LAMC1: variants seen among roughly 807,000 people sequenced by gnomAD.
LAMC1 encodes the protein laminin subunit gamma 1, also known as laminin subunit gamma-1.
LAMC1 carries 38 observed loss-of-function variants against 173.6 expected under a neutral mutation model. The observed-to-expected ratio is 0.22, with a 90% confidence interval of 0.17 to 0.29. The LOEUF (loss-of-function observed/expected upper bound fraction) is 0.29, where lower values mean the gene tolerates loss of function less well. Ranked by LOEUF, LAMC1 falls within the 10% of genes least tolerant of loss-of-function variation. The pLI, the probability that LAMC1 is intolerant of heterozygous loss-of-function variation, is 1.00. For synonymous variants in LAMC1, 746 were observed against 749.1 expected, an observed-to-expected ratio of 1.00 and a Z score of 0.07; for missense variants, 1,824 against 2,051.8, an observed-to-expected ratio of 0.89 and a Z score of 2.14.
rs776237058 is a variant in LAMC1, at chr1:183,128,755, G to A, written c.3280+5G>A. On this transcript the variant is annotated splice_donor_5th_base_variant and intron_variant, in intron 18 of 27. Transcript: ENST00000258341. Reference sequence around the variant, plus strand: ...GTGAGGCCCAGGATGTCAAAGGTACGCATGATTGAACAGTGCATGACTTCT... The same window carrying A: ...GTGAGGCCCAGGATGTCAAAGGTACACATGATTGAACAGTGCATGACTTCT... 2 of 1,611,558 alleles carry A rather than the reference G, an allele frequency of 1.2e-6. No homozygotes were observed. The highest frequency in any genetic ancestry group is 2.2e-5 in the East Asian group (1 of 44,808).
intron 27 of LAMC1, chr1:183,140,786 C>T (rs1047930863): frequency 2.0e-5 from 4 of 204,548 alleles, no homozygotes; most frequent in Admixed American, 5.8e-5. Flanking sequence ...TGACTTTAGG[C>T]TGTGTTAATG....
At chr1:183,031,739 A>G (rs1277808838) in intron 1 of LAMC1, among the ~76,000 whole-genome samples, 1 of 152,106 alleles carries the variant, frequency 6.6e-6, no homozygotes, top group Non-Finnish European at 1.5e-5. Flanking sequence ...AATTTCTGAG[A>G]AGGTTTTTAA....
intron 1 of LAMC1, among the ~76,000 whole-genome samples, chr1:183,076,298 G>A (rs1655118466): frequency 6.6e-6 from 1 of 152,130 alleles, no homozygotes; most frequent in South Asian, 2.1e-4. Context: ...CATGCTTTCA[G>A]CTTCCTTTCG....
chr1:183,117,836 G>A lies in LAMC1; in HGVS notation c.1877+113G>A. ...TTTAAAGAAAAACTTCTGGGTTATT[G>A]TGGTGATTTTGTAAAAGGGAGCCTT... On this transcript the variant is annotated intron_variant, in intron 10 of 27. Coordinates refer to ENST00000258341, the MANE Select transcript of LAMC1 (RefSeq NM_002293.4). 3.0e-6 allele frequency: 3 copies of A among 1,004,592 alleles called. No homozygotes were observed. The East Asian group carries it at 7.3e-5, about 25-fold the overall frequency. 62.2% of individuals were successfully genotyped at this position (1,004,592 alleles called of 1,614,324 possible). A position where few individuals can be genotyped will look rare whatever the true frequency, so the allele number is the denominator to read the frequency against.
intron 1 of LAMC1, among the ~76,000 whole-genome samples, chr1:183,066,802 T>G (rs1440479503): frequency 2.0e-5 from 3 of 152,220 alleles, no homozygotes; most frequent in Non-Finnish European, 4.4e-5. Flanking sequence ...CTGGGGCCTT[T>G]CAGGGGGTTG....
intron 4 of LAMC1, among the ~76,000 whole-genome samples, chr1:183,111,606 G>A (rs992489879): frequency 1.1e-3 from 174 of 152,230 alleles, no homozygotes; most frequent in African/African-American, 4.0e-3. Flanking sequence ...AACAGATAGA[G>A]AAAGAAATCT....
At chr1:183,058,286 T>C (rs557925354) in intron 1 of LAMC1, among the ~76,000 whole-genome samples, 131 of 152,318 alleles carry the variant, frequency 8.6e-4, no homozygotes, top group African/African-American at 2.9e-3. Flanking sequence ...ATAAGGATAT[T>C]GAGGGTGACT....
At chr1:183,103,950 C>T (rs993362439) in intron 2 of LAMC1, among the ~76,000 whole-genome samples, 3 of 136,404 alleles carry the variant, frequency 2.2e-5, no homozygotes, top group Admixed American at 1.6e-4. Context: ...AAACATTTTC[C>T]TTCTGACCTT....
Position 183,127,464 on chromosome 1 carries a change from G to A in LAMC1, c.3123+60G>A. ...AGCAGACGTTGAGTGGCAACTTACT[G>A]TGCACTAATCTCTATAGAAAAAGTG... On this transcript the variant is annotated intron_variant, in intron 17 of 27. Coordinates refer to ENST00000258341, the MANE Select transcript of LAMC1 (RefSeq NM_002293.4). 4 of 1,473,464 alleles carry A rather than the reference G, an allele frequency of 2.7e-6. No homozygotes were observed. In the South Asian group the frequency reaches 3.5e-5, roughly 13 times the overall value. 91.3% of individuals were successfully genotyped at this position (1,473,464 alleles called of 1,614,324 possible).
rs1489171782 is a variant in LAMC1, at chr1:183,127,315, T to G, written c.3034T>G (p.Cys1012Gly). Residue 1012 changes from cysteine (C) to glycine (G), a missense_variant, in exon 17 of 28, where the codon TGT (cysteine) becomes GGT (glycine). Physicochemically the swap from Cys to Gly is radical, Grantham distance 159 (BLOSUM62 -3). Coordinates refer to ENST00000258341, the MANE Select transcript of LAMC1 (RefSeq NM_002293.4). Reference sequence around the variant, plus strand: ...CAGAGAAGGCTTTGTGGGAAATCGCTGTGACCAGTGTGAAGAAAACTATTT... The same window carrying G: ...CAGAGAAGGCTTTGTGGGAAATCGCGGTGACCAGTGTGAAGAAAACTATTT... ...ECREGFVGNRCDQCEENYFYN... is the reference protein window; with the variant it reads ...ECREGFVGNRGDQCEENYFYN... The G allele has an allele frequency of 1.2e-6, 2 of 1,614,196 alleles. No homozygotes were observed. The highest frequency in any genetic ancestry group is 1.7e-6 in the Non-Finnish European group (2 of 1,180,014).
chr1:183,076,205 A>G (rs1655116369), intron 1 of LAMC1, among the ~76,000 whole-genome samples: 1 of 152,180 alleles, frequency 6.6e-6, no homozygotes, highest in Non-Finnish European at 1.5e-5. Flanking sequence ...GTAAAGAAGG[A>G]TGGATATGAA....
chr1:183,095,504 A>T (rs1228546338), intron 1 of LAMC1, among the ~76,000 whole-genome samples: 1 of 152,216 alleles, frequency 6.6e-6, no homozygotes, highest in Non-Finnish European at 1.5e-5. Context: ...TATGTAGCTT[A>T]TATTTAATTG....
chr1:183,096,752 C>T (rs182450654), intron 1 of LAMC1: 23 of 152,288 alleles, frequency 1.5e-4, no homozygotes, highest in African/African-American at 5.5e-4. Context: ...TGTCCTCTTG[C>T]ACTGTTGGCA....
At chr1:183,032,330 T>G (rs930475267) in intron 1 of LAMC1, among the ~76,000 whole-genome samples, 1 of 152,248 alleles carries the variant, frequency 6.6e-6, no homozygotes, top group African/African-American at 2.4e-5. Context: ...CCTTATTTCT[T>G]TTGAACTTTA....
In LAMC1 at chr1:183,134,660, A is replaced by C; in HGVS notation, c.3850A>C (p.Asn1284His). The C allele has an allele frequency of 6.2e-7, 1 of 1,608,284 alleles. No individual in the cohort carries two copies. Among genetic ancestry groups the C allele is most frequent in the Non-Finnish European group, 8.5e-7 (1 of 1,178,148 alleles). The change falls in exon 23 of 28, where the codon AAT becomes CAT. Residue 1284 changes from asparagine to histidine, a missense_variant and splice_region_variant. Transcript: ENST00000258341. The stretch of plus-strand genomic sequence containing the variant: ...TAGTGATCTTACTTGCTTTTCACAG[A>C]ATGAAGCAAATAACATAAAGATGGA... Reference protein sequence around the residue: ...LSPLDSETLENEANNIKMEAE... With the variant: ...LSPLDSETLEHEANNIKMEAE...
chr1:183,108,290 C>CACTG lies in LAMC1; in HGVS notation c.741_744dup (p.Ile249Ter). On this transcript the variant is annotated frameshift_variant, in exon 3 of 28. Transcript: ENST00000258341. LOFTEE classifies it high-confidence loss of function. The stretch of plus-strand genomic sequence containing the variant: ...CTTCCTGACAGGAATGGGTAACTGC[C>CACTG]ACTGACATCAGAGTAACTCTTAATC... The CACTG allele has an allele frequency of 6.2e-7, 1 of 1,613,326 alleles. No homozygotes were observed. The highest frequency in any genetic ancestry group is 1.3e-5 in the African/African-American group (1 of 75,022).
At chr1:183,077,776 G>GTGTGTGTGTGTA in intron 1 of LAMC1, among the ~76,000 whole-genome samples, 22 of 116,498 alleles carry the variant, frequency 1.9e-4, no homozygotes, top group Non-Finnish European at 2.8e-4. Context: ...TGGCCATTGT[G>GTGTGTGTGTGTA]TATATATATA....
rs769003582 is a variant in LAMC1 at position 183,114,671 on chromosome 1, C to T, written c.1162C>T (p.Arg388Cys). The T allele has an allele frequency of 9.3e-6, 15 of 1,614,052 alleles. No individual in the cohort carries two copies. Among genetic ancestry groups the T allele is most frequent in the South Asian group, 2.2e-5 (2 of 91,084 alleles). The change falls in exon 5 of 28, where the codon CGC becomes TGC. Residue 388 changes from arginine to cysteine, a missense_variant. Arg to Cys is a radical substitution (Grantham distance 180, BLOSUM62 -3). Transcript: ENST00000258341. ...HCERCRENFF[R>C]LGNNEACSSC... ...TGAGAGGTGCCGAGAGAACTTCTTC[C>T]GCCTTGGCAACAATGAAGCCTGCTC...
chr1:183,134,924 C>T, intron 23 of LAMC1, 115 bp downstream of exon 23: 2 of 1,349,380 alleles, frequency 1.5e-6, no homozygotes, highest in Non-Finnish European at 2.1e-6. Context: ...GAGAGAGCAG[C>T]CTAACAGATT....
Sources: gnomAD v4.1 joint callset for allele counts (sites outside exome capture counted in the v4.1 genomes callset) on GRCh38, gnomAD v4.1.1 for gene constraint, MANE v1.5 for transcripts, NCBI Gene and HGNC (gene_info 2026-07-23, HGNC 2026-07-21) for gene names.